Variants in FOCAD observed in about 807,000 individuals in gnomAD.
The protein encoded by FOCAD is focadhesin, also known as KIAA1797.
Under a neutral mutation model 225.6 loss-of-function variants are expected in FOCAD, and 198 were observed. That is an observed-to-expected ratio of 0.88 (90% CI 0.78 to 0.99). The LOEUF (loss-of-function observed/expected upper bound fraction) is 0.99. Ranked by LOEUF, FOCAD falls within the 50% of genes least tolerant of loss-of-function variation. FOCAD has a pLI of 0.00. For missense variants in FOCAD, 2,713 were observed against 2,123.6 expected (o/e 1.28, Z -5.46); for synonymous variants, 897 against 755.0 (o/e 1.19, Z -3.08).
At chr9:20,876,802 T>C (rs940652992) in intron 19 of FOCAD, among the ~76,000 whole-genome samples, 2 of 152,144 alleles carry the variant, frequency 1.3e-5, no homozygotes, top group Non-Finnish European at 2.9e-5. Flanking sequence ...TGATATATAT[T>C]AGTCACCAAA....
At chr9:20,917,581 C>A (rs1415208175) in intron 24 of FOCAD, among the ~76,000 whole-genome samples, 1 of 152,054 alleles carries the variant, frequency 6.6e-6, no homozygotes, top group Non-Finnish European at 1.5e-5. Flanking sequence ...CAGTAAGTTA[C>A]ATGCCAGTTA....
intron 4 of FOCAD, among the ~76,000 whole-genome samples, chr9:20,724,296 T>A (rs929410814): frequency 1.3e-5 from 2 of 152,248 alleles, no homozygotes; most frequent in Non-Finnish European, 2.9e-5. Context: ...CTATTATTTC[T>A]AATCTTTTAC....
intron 15 of FOCAD, among the ~76,000 whole-genome samples, chr9:20,856,002 T>C (rs1828144054): frequency 6.6e-6 from 1 of 151,894 alleles, no homozygotes; most frequent in South Asian, 2.1e-4. Flanking sequence ...TGATGGACAC[T>C]TAGGTTGCTT....
At chr9:20,966,180 C>T (rs542233762) in intron 35 of FOCAD, among the ~76,000 whole-genome samples, 15 of 152,228 alleles carry the variant, frequency 9.9e-5, no homozygotes, top group African/African-American at 3.4e-4. Flanking sequence ...AATTTCTCCA[C>T]GTTCTCGCCA....
chr9:20,678,725 C>T (rs1822310062), intron 2 of FOCAD, among the ~76,000 whole-genome samples: 2 of 152,212 alleles, frequency 1.3e-5, no homozygotes, highest in African/African-American at 4.8e-5. Flanking sequence ...GGCTGTGTTA[C>T]GTGACCAAAT....
At chr9:20,802,556 G>A (rs552934250) in intron 11 of FOCAD, among the ~76,000 whole-genome samples, 1 of 152,206 alleles carries the variant, frequency 6.6e-6, no homozygotes, top group Non-Finnish European at 1.5e-5. Flanking sequence ...TGGTATGTGT[G>A]TTGTTGACTC....
At chr9:20,667,036 T>G (rs1465440059) in intron 2 of FOCAD, among the ~76,000 whole-genome samples, 2 of 152,258 alleles carry the variant, frequency 1.3e-5, no homozygotes, top group Non-Finnish European at 2.9e-5. Context: ...GATTTAAATT[T>G]GAAGTCACTT....
At chr9:20,942,373 T>G (rs1836754329) in intron 28 of FOCAD, among the ~76,000 whole-genome samples, 1 of 152,210 alleles carries the variant, frequency 6.6e-6, no homozygotes, top group South Asian at 2.1e-4. Flanking sequence ...AAAGCAAGAC[T>G]TACATACTTC....
intron 4 of FOCAD, among the ~76,000 whole-genome samples, chr9:20,730,780 A>G (rs969885712): frequency 5.3e-5 from 8 of 152,172 alleles, no homozygotes; most frequent in Non-Finnish European, 1.0e-4. Context: ...AGATTTAGCT[A>G]TGTCATGGGC....
At chr9:20,720,559 A>G in intron 4 of FOCAD, 25 bp downstream of exon 4, 1 of 1,590,886 alleles carries the variant, frequency 6.3e-7, no homozygotes, top group Admixed American at 1.7e-5. Context: ...GTGTTTGGTC[A>G]GTTAATGATT....
chr9:20,673,779 C>T (rs935932613), intron 2 of FOCAD, among the ~76,000 whole-genome samples: 3 of 152,072 alleles, frequency 2.0e-5, no homozygotes, highest in Non-Finnish European at 4.4e-5. Context: ...ACCATGTTGC[C>T]GAGGCTGGTC....
chr9:20,798,513 C>T (rs564865864), intron 11 of FOCAD, among the ~76,000 whole-genome samples: 42 of 152,236 alleles, frequency 2.8e-4, no homozygotes, highest in African/African-American at 9.6e-4. Flanking sequence ...TAATTATTTC[C>T]TCAATTTCAG....
At chr9:20,773,700 A>ATG (rs150334188) in intron 8 of FOCAD, among the ~76,000 whole-genome samples, 5 of 151,590 alleles carry the variant, frequency 3.3e-5, no homozygotes, top group South Asian at 2.1e-4. Flanking sequence ...GTTTTGGGGT[A>ATG]TGTGTGTGTG....
intron 6 of FOCAD, among the ~76,000 whole-genome samples, chr9:20,762,996 C>T (rs1335142616): frequency 6.6e-6 from 1 of 152,190 alleles, no homozygotes; most frequent in East Asian, 1.9e-4. Context: ...CACTTTCTAT[C>T]ATCTAGTTCA....
chr9:20,805,860 G>T (rs1282759430), intron 11 of FOCAD, among the ~76,000 whole-genome samples: 1 of 152,184 alleles, frequency 6.6e-6, no homozygotes, highest in Non-Finnish European at 1.5e-5. Flanking sequence ...ATAGGAGATA[G>T]AAACCCTTTG....
At chr9:20,973,317 C>T (rs1248665408) in intron 35 of FOCAD, among the ~76,000 whole-genome samples, 4 of 151,702 alleles carry the variant, frequency 2.6e-5, no homozygotes, top group African/African-American at 4.8e-5. Flanking sequence ...GTTCTGCTTC[C>T]GTCTTCTTTC....
intron 11 of FOCAD, among the ~76,000 whole-genome samples, chr9:20,797,052 C>G (rs1821194221): frequency 6.6e-6 from 1 of 152,092 alleles, no homozygotes; most frequent in Non-Finnish European, 1.5e-5. Context: ...AGTTTTCCCA[C>G]CATCATTTAT....
At chr9:20,824,760 A>G (rs1054644323) in intron 15 of FOCAD, among the ~76,000 whole-genome samples, 9 of 152,142 alleles carry the variant, frequency 5.9e-5, no homozygotes, top group African/African-American at 2.2e-4. Flanking sequence ...ATCTGCTCAC[A>G]TAGGTATTAA....
chr9:20,686,169 T>A (rs1389765922), intron 1 of FOCAD, among the ~76,000 whole-genome samples: 1 of 152,206 alleles, frequency 6.6e-6, no homozygotes, highest in Non-Finnish European at 1.5e-5. Flanking sequence ...TATTTTTTTG[T>A]TTGTTTGGAG....
Sources: allele counts gnomAD v4.1 joint callset (sites outside exome capture counted in the v4.1 genomes callset), GRCh38; gene constraint gnomAD v4.1.1; transcripts MANE v1.5; gene names NCBI Gene and HGNC (gene_info 2026-07-23, HGNC 2026-07-21).